SCN9A: variants seen among roughly 807,000 people sequenced by gnomAD.
SCN9A encodes the protein sodium voltage-gated channel alpha subunit 9, also known as sodium channel protein type 9 subunit alpha.
A neutral mutation model predicts 187.0 loss-of-function variants in SCN9A; 131 were observed. The observed-to-expected ratio is 0.70, with a 90% CI of 0.61 to 0.81. The LOEUF is 0.81. Among genes scored for constraint, SCN9A ranks in the 30% least tolerant of loss-of-function variants. The pLI is 0.00. For synonymous variants in SCN9A, 809 were observed against 808.6 expected, an observed-to-expected ratio of 1.00 and a Z score of -0.01; for missense variants, 2,252 against 2,396.6, an observed-to-expected ratio of 0.94 and a Z score of 1.26.
chr2:166,213,168 A>G (rs1282742052), intron 24 of SCN9A, among the ~76,000 whole-genome samples: 5 of 152,038 alleles, frequency 3.3e-5, no homozygotes, highest in African/African-American at 9.7e-5. Context: ...TAAAAAAGCA[A>G]TAGAAAAAGT....
rs1025458674 is a variant in SCN9A at position 166,204,157 on chromosome 2, A to T, written c.4572T>A (p.Leu1524=). 2.5e-6 allele frequency: 4 copies of T among 1,611,952 alleles called. No homozygotes were observed. The African/African-American group carries it at 4.0e-5, about 16-fold the overall frequency. ...NQAFDISIMV[L]ICLNMVTMMV... is the part of the protein sequence containing the mutation. ...TCATGGTTACCATGTTGAGACAGAT[A>T]AGAACCATGATACTAATATCAAAGG... The change falls in exon 26 of 27, where the codon CTT becomes CTA. Residue 1524 remains leucine, a synonymous_variant. Coordinates refer to ENST00000642356, the MANE Select transcript of SCN9A (RefSeq NM_001365536.1).
chr2:166,227,319 C>T (rs77509881), intron 23 of SCN9A, among the ~76,000 whole-genome samples: 1,736 of 152,218 alleles, frequency 0.011, 42 homozygotes, highest in African/African-American at 0.04. Flanking sequence ...CTTCTATTTT[C>T]TTGTTGGGTC....
chr2:166,305,778 C>A lies in SCN9A; in HGVS notation c.596+14G>T. 1 of 1,613,146 alleles carries A rather than the reference C, an allele frequency of 6.2e-7. No homozygotes were observed. The highest frequency in any genetic ancestry group is 8.5e-7 in the Non-Finnish European group (1 of 1,179,418). On this transcript the variant is annotated intron_variant, in intron 5 of 26. Transcript: ENST00000642356. Reference sequence around the variant, plus strand: ...TTCATAAATTTGCCGTTTCAAAAAGCTGAAAGTACTTACGCAAAAACAATG... The same window carrying A: ...TTCATAAATTTGCCGTTTCAAAAAGATGAAAGTACTTACGCAAAAACAATG...
intron 22 of SCN9A, among the ~76,000 whole-genome samples, chr2:166,228,373 C>T (rs981628761): frequency 1.3e-4 from 19 of 150,520 alleles, no homozygotes; most frequent in African/African-American, 4.4e-4. Context: ...TCTCCTGCCT[C>T]AGCCTCCCAA....
intron 1 of SCN9A, among the ~76,000 whole-genome samples, chr2:166,339,218 A>C (rs770226861): frequency 6.6e-6 from 1 of 152,142 alleles, no homozygotes; most frequent in Non-Finnish European, 1.5e-5. Context: ...TGGTCTGTTT[A>C]AGCCAAATTT....
In SCN9A at chr2:166,286,535, A is replaced by G. The variant is rs762881019; in HGVS notation, c.1403T>C (p.Leu468Pro). Reference protein sequence around the residue: ...LSESSSETSKLSSKSAKERRN... With the variant: ...LSESSSETSKPSSKSAKERRN... ...TCTTTCTTTAGCACTTTTAGAGCTC[A>G]GTTTGGATGTTTCAGAAGAACTCTC... The change falls in exon 11 of 27, where the codon CTG (leucine) becomes CCG (proline). Residue 468 changes from leucine (L) to proline (P), a missense_variant. By Grantham distance (98) the Leu-to-Pro change is moderately conservative. Coordinates refer to ENST00000642356, the MANE Select transcript of SCN9A (RefSeq NM_001365536.1). 1 of 1,610,672 alleles carries G rather than the reference A, an allele frequency of 6.2e-7. No individual in the cohort carries two copies. The highest frequency in any genetic ancestry group is 2.2e-5 in the East Asian group (1 of 44,806).
Position 166,203,971 on chromosome 2 carries a change from C to A in SCN9A, c.4758G>T (p.Val1586=). ...TATTCTTACCTACAATGGAGATAAT[C>A]ACAACCACAAAATCAAAAATATTCC... is the stretch of plus-strand genomic sequence containing the variant. ...VGWNIFDFVV[V]IISIVGMFLA... The change falls in exon 26 of 27, where the codon GTG becomes GTT. Residue 1586 remains valine, a synonymous_variant. Transcript: ENST00000642356. 1.3e-6 allele frequency: 2 copies of A among 1,586,020 alleles called. No individual in the cohort carries two copies. The highest frequency in any genetic ancestry group is 1.7e-4 in the Middle Eastern group (1 of 5,998).
chr2:166,242,671 A>G lies in SCN9A; in HGVS notation c.3473-15T>C, dbSNP rs1209705577. The G allele has an allele frequency of 1.3e-6, 2 of 1,534,768 alleles. No homozygotes were observed. The highest frequency in any genetic ancestry group is 2.5e-5 in the East Asian group (1 of 40,758). On this transcript the variant is annotated splice_polypyrimidine_tract_variant and intron_variant, in intron 18 of 26. Coordinates refer to ENST00000642356, the MANE Select transcript of SCN9A (RefSeq NM_001365536.1). ...CCATACACAACCTGACAAGAAAGACATGCATGTTAAATCTTGATATTCAGA... is the reference window on the plus strand; with the variant it reads ...CCATACACAACCTGACAAGAAAGACGTGCATGTTAAATCTTGATATTCAGA...
chr2:166,284,951 T>A, intron 11 of SCN9A, 127 bp from the exon 12 acceptor site: 1 of 995,036 alleles, frequency 1.0e-6, no homozygotes, highest in African/African-American at 1.6e-5. Flanking sequence ...AGAAACATAC[T>A]TAAAAACGAA....
intron 1 of SCN9A, among the ~76,000 whole-genome samples, chr2:166,351,717 A>G (rs1700037425): frequency 6.6e-6 from 1 of 152,188 alleles, no homozygotes; most frequent in African/African-American, 2.4e-5. Context: ...ACTACATCCA[A>G]GTCTTTAGAG....
At chr2:166,224,733 T>C (rs535411325) in intron 24 of SCN9A, among the ~76,000 whole-genome samples, 7 of 152,236 alleles carry the variant, frequency 4.6e-5, no homozygotes, top group Non-Finnish European at 1.0e-4. Flanking sequence ...GGGTCTGAAA[T>C]AGTCTTTGGT....
intron 24 of SCN9A, among the ~76,000 whole-genome samples, chr2:166,207,455 G>GTTGTTA (rs1478761073): frequency 1.3e-5 from 2 of 151,680 alleles, no homozygotes; most frequent in African/African-American, 4.9e-5. Flanking sequence ...TGTTGTTGTT[G>GTTGTTA]TTTTTGATGG....
chr2:166,323,614 G>T (rs1215992931), intron 1 of SCN9A, among the ~76,000 whole-genome samples: 4 of 152,024 alleles, frequency 2.6e-5, no homozygotes, highest in Admixed American at 1.3e-4. Context: ...GGTCTCAGTG[G>T]CCTCTATTAC....
chr2:166,259,838 A>T (rs1696431999), intron 17 of SCN9A, among the ~76,000 whole-genome samples: 1 of 151,812 alleles, frequency 6.6e-6, no homozygotes. Flanking sequence ...TTAGGCACGT[A>T]AACAAATCCA....
At chr2:166,268,545 A>C (rs531772481) in intron 17 of SCN9A, among the ~76,000 whole-genome samples, 14 of 152,140 alleles carry the variant, frequency 9.2e-5, no homozygotes, top group South Asian at 8.3e-4. Context: ...AGGAGGATTA[A>C]AGACATTTTA....
chr2:166,299,347 C>A (rs896076865), intron 7 of SCN9A, among the ~76,000 whole-genome samples: 17 of 150,802 alleles, frequency 1.1e-4, no homozygotes, highest in Non-Finnish European at 2.1e-4. Flanking sequence ...TTACCTTGAA[C>A]CCTACCACTT....
Position 166,250,680 on chromosome 2 carries a change from A to C in SCN9A, c.3472+1085T>G, listed in dbSNP as rs75312820. On this transcript the variant is annotated intron_variant, in intron 18 of 26. Transcript: ENST00000642356. ...AAATTCCAGAAGTAGTAAGAAATTC[A>C]GCATATCAGAAAGCATACAGGAGTA... is the stretch of plus-strand genomic sequence containing the variant. Among the ~76,000 whole-genome samples the C allele has an allele frequency of 7.1e-3, 1,086 of 152,250 alleles. 8 individuals carry two copies. The highest frequency in any genetic ancestry group is 0.014 in the Middle Eastern group (4 of 294).
At chr2:166,355,078 C>T (rs1404580067) in intron 1 of SCN9A, among the ~76,000 whole-genome samples, 1 of 151,302 alleles carries the variant, frequency 6.6e-6, no homozygotes, top group African/African-American at 2.4e-5. Context: ...GCTAGGACTA[C>T]AGGTGTGCAC....
At chr2:166,288,158 G>GACTT (rs1697871127) in intron 10 of SCN9A, among the ~76,000 whole-genome samples, 1 of 129,694 alleles carries the variant, frequency 7.7e-6, no homozygotes, top group African/African-American at 3.2e-5. Flanking sequence ...TGTATATATA[G>GACTT]ACATACACAC....
Sources: allele counts gnomAD v4.1 joint callset (sites outside exome capture counted in the v4.1 genomes callset), GRCh38; gene constraint gnomAD v4.1.1; transcripts MANE v1.5; gene names NCBI Gene and HGNC (gene_info 2026-07-23, HGNC 2026-07-21).